ENAH: variants seen among roughly 807,000 people sequenced by gnomAD.
ENAH encodes ENAH actin regulator.
A neutral mutation model predicts 78.7 loss-of-function variants in ENAH; 23 were observed. The observed-to-expected ratio is 0.29, with a 90% CI of 0.21 to 0.41. The LOEUF (loss-of-function observed/expected upper bound fraction) is 0.41, where lower values mean the gene tolerates loss of function less well. Among genes scored for constraint, ENAH ranks in the 10% least tolerant of loss-of-function variants. The pLI is 1.00. For synonymous variants in ENAH, 226 were observed against 241.0 expected (o/e 0.94, Z 0.58); for missense variants, 544 against 691.0 (o/e 0.79, Z 2.39).
At chr1:225,528,252 C>G (rs1020372431) in intron 4 of ENAH, among the ~76,000 whole-genome samples, 5 of 152,182 alleles carry the variant, frequency 3.3e-5, no homozygotes, top group African/African-American at 1.2e-4. Context: ...GATTAAGTTA[C>G]AGGAATTCAG....
chr1:225,614,081 T>C (rs1009579948), intron 1 of ENAH, among the ~76,000 whole-genome samples: 1 of 151,578 alleles, frequency 6.6e-6, no homozygotes, highest in Non-Finnish European at 1.5e-5. Flanking sequence ...TTTTTTGAGA[T>C]GGAGTCTCAT....
chr1:225,522,797 T>G (rs2096480172), intron 4 of ENAH, among the ~76,000 whole-genome samples: 1 of 152,192 alleles, frequency 6.6e-6, no homozygotes, highest in African/African-American at 2.4e-5. Flanking sequence ...CCCATATTAT[T>G]CTAATTAGAA....
intron 3 of ENAH, among the ~76,000 whole-genome samples, chr1:225,534,099 T>C (rs1223382683): frequency 6.6e-6 from 1 of 152,060 alleles, no homozygotes; most frequent in East Asian, 1.9e-4. Flanking sequence ...ACATATTAAA[T>C]AGAAAGGCAT....
chr1:225,629,592 A>G (rs1266522577), intron 1 of ENAH, among the ~76,000 whole-genome samples: 1 of 151,612 alleles, frequency 6.6e-6, no homozygotes, highest in African/African-American at 2.4e-5. Context: ...GTCCCAGAAA[A>G]AAAAAAAAAA....
Position 225,512,695 on chromosome 1 carries a change from C to T in ENAH, c.1384G>A (p.Gly462Arg). 1 of 1,613,682 alleles carries T rather than the reference C, an allele frequency of 6.2e-7. No homozygotes were observed. The highest frequency in any genetic ancestry group is 2.2e-5 in the East Asian group (1 of 44,848). ...TTTTGTTCTGTTTCTATTGTTGATCCCTTTTCAGCAATTCTTCTCCTACAA... is the reference window on the plus strand; with the variant it reads ...TTTTGTTCTGTTTCTATTGTTGATCTCTTTTCAGCAATTCTTCTCCTACAA... ...LARRRRIAEK[G>R]STIETEQKED... The change falls in exon 9 of 14, where the codon GGA becomes AGA. Residue 462 changes from glycine (G) to arginine (R), a missense_variant. Around this residue, in one of 4 missense-constraint regions of ENAH, gnomAD observed 97 missense variants for 124.4 expected, o/e 0.78. Coordinates refer to ENST00000366843, the MANE Select transcript of ENAH (RefSeq NM_018212.6).
chr1:225,652,239 C>A, intron 1 of ENAH: 1 of 779,252 alleles, frequency 1.3e-6, no homozygotes, highest in Non-Finnish European at 1.6e-6. Flanking sequence ...ACCTTTCAAA[C>A]TTTTCTTCCT....
chr1:225,574,125 T>A (rs538098455), intron 1 of ENAH, among the ~76,000 whole-genome samples: 1 of 152,348 alleles, frequency 6.6e-6, no homozygotes, highest in South Asian at 2.1e-4. Context: ...ATTCAGGATT[T>A]CCATCTTATT....
At chr1:225,591,467 T>TAA (rs776686674) in intron 1 of ENAH, among the ~76,000 whole-genome samples, 15 of 113,298 alleles carry the variant, frequency 1.3e-4, no homozygotes, top group Non-Finnish European at 1.5e-4. Context: ...AAACTACGTT[T>TAA]AAAAAAAAAA....
At chr1:225,646,402 C>G (rs192506470) in intron 1 of ENAH, among the ~76,000 whole-genome samples, 71 of 152,174 alleles carry the variant, frequency 4.7e-4, no homozygotes, top group Middle Eastern at 6.8e-3. Context: ...GATTCCCATA[C>G]CCACCCTACC....
At chr1:225,538,237 C>A (rs779107506) in intron 3 of ENAH, among the ~76,000 whole-genome samples, 2 of 151,762 alleles carry the variant, frequency 1.3e-5, no homozygotes, top group African/African-American at 2.4e-5. Flanking sequence ...ATTTTTGAGA[C>A]AGAATGAAAG....
intron 7 of ENAH, among the ~76,000 whole-genome samples, chr1:225,513,813 G>C (rs1011230837): frequency 1.3e-5 from 2 of 152,006 alleles, no homozygotes; most frequent in Non-Finnish European, 2.9e-5. Flanking sequence ...TCAACATCGC[G>C]AAACCCTATC....
intron 1 of ENAH, among the ~76,000 whole-genome samples, chr1:225,593,401 G>GTGTGTGT (rs1491435336): frequency 4.4e-4 from 14 of 31,622 alleles, no homozygotes; most frequent in South Asian, 1.2e-3. Flanking sequence ...GTGTGTGTGT[G>GTGTGTGT]GGGGGGGGGG....
chr1:225,597,063 G>A (rs989747875), intron 1 of ENAH, among the ~76,000 whole-genome samples: 8 of 151,996 alleles, frequency 5.3e-5, no homozygotes, highest in Non-Finnish European at 1.2e-4. Context: ...TTTTTAAAAA[G>A]ACAATAAAAG....
At chr1:225,524,524 A>T (rs2096490903) in intron 4 of ENAH, 1 of 826,016 alleles carries the variant, frequency 1.2e-6, no homozygotes, top group South Asian at 5.6e-5. Flanking sequence ...GTAAACAAAT[A>T]AAAAATGGAT....
At chr1:225,606,930 T>C (rs1345004477) in intron 1 of ENAH, among the ~76,000 whole-genome samples, 1 of 133,490 alleles carries the variant, frequency 7.5e-6, no homozygotes, top group African/African-American at 2.8e-5. Flanking sequence ...TCCAATAAAA[T>C]AACTACGTAC....
intron 11 of ENAH, among the ~76,000 whole-genome samples, chr1:225,503,900 TA>T (rs904384637): frequency 1.4e-4 from 21 of 152,086 alleles, no homozygotes; most frequent in African/African-American, 4.3e-4. Flanking sequence ...TATATTTTTT[TA>T]AAAAATAGAT....
chr1:225,523,753 ACC>A (rs1287166927), intron 4 of ENAH, among the ~76,000 whole-genome samples: 1 of 152,094 alleles, frequency 6.6e-6, no homozygotes, highest in Non-Finnish European at 1.5e-5. Flanking sequence ...TCATGTTTTG[ACC>A]TCTAAAGCAA....
intron 3 of ENAH, among the ~76,000 whole-genome samples, chr1:225,544,181 C>G (rs1575471554): frequency 6.6e-6 from 1 of 152,220 alleles, no homozygotes; most frequent in South Asian, 2.1e-4. Flanking sequence ...ATGTTCCACA[C>G]AGAGGTATCA....
At chr1:225,565,803 T>G (rs1427993919) in intron 2 of ENAH, among the ~76,000 whole-genome samples, 2 of 152,004 alleles carry the variant, frequency 1.3e-5, no homozygotes, top group African/African-American at 4.8e-5. Context: ...AGAAAAAGGC[T>G]GTGCAACACA....
Sources: gnomAD v4.1 joint callset for allele counts (sites outside exome capture counted in the v4.1 genomes callset) on GRCh38, gnomAD v4.1.1 for gene constraint, gnomAD v4.1.1 regional missense constraint, MANE v1.5 for transcripts, NCBI Gene and HGNC (gene_info 2026-07-23, HGNC 2026-07-21) for gene names.